ZNF445: variants seen among roughly 807,000 people sequenced by gnomAD.
ZNF445 encodes zinc finger protein 168.
ZNF445 carries 19 observed loss-of-function variants against 93.9 expected under a neutral mutation model. The observed-to-expected ratio is 0.20, with a 90% CI of 0.14 to 0.30. The LOEUF (loss-of-function observed/expected upper bound fraction) is 0.30. Among genes scored for constraint, ZNF445 ranks in the 10% least tolerant of loss-of-function variants. The pLI, the probability that ZNF445 is intolerant of heterozygous loss-of-function variation, is 1.00. For synonymous variants in ZNF445, 449 were observed against 446.3 expected, an observed-to-expected ratio of 1.01 and a Z score of -0.08; for missense variants, 1,058 against 1,259.4, an observed-to-expected ratio of 0.84 and a Z score of 2.42.
At position 44,432,045 on chromosome 3, in the gene ZNF445, G is replaced by C. The variant is rs1471899130; in HGVS notation, c.*14530C>G. Reference sequence around the variant, plus strand: ...CTCCCAGCTGGGATTACAGGCATGAGCCACTGCACGTGGCTACATGTTTTG... The same window carrying C: ...CTCCCAGCTGGGATTACAGGCATGACCCACTGCACGTGGCTACATGTTTTG... On this transcript the variant is annotated 3_prime_UTR_variant, in exon 8 of 8. Transcript: ENST00000396077. The C allele has an allele frequency of 4.6e-5, 7 of 152,116 alleles. No individual in the cohort carries two copies. The highest frequency in any genetic ancestry group is 1.7e-4 in the African/African-American group (7 of 41,420). 9.4% of individuals were successfully genotyped at this position (152,116 alleles called of 1,614,324 possible).
intron 5 of ZNF445, 134 bp from the exon 6 acceptor site, chr3:44,450,707 A>G (rs531003149): frequency 7.4e-7 from 1 of 1,349,430 alleles, no homozygotes; most frequent in African/African-American, 1.5e-5. Context: ...ACCATCACCC[A>G]GCAGAAGACC....
chr3:44,463,639 G>C lies in ZNF445; in HGVS notation c.-268-5275C>G, dbSNP rs544099837. Among the ~76,000 whole-genome samples the C allele has an allele frequency of 2.6e-5, 4 of 152,266 alleles. No homozygotes were observed. In the South Asian group the frequency reaches 8.3e-4, roughly 32 times the overall value. ...TAACTAAGTAGGAAATATACTTTAA[G>C]GGATGGCTAAGAGTAGTTATGGAGG... is the stretch of plus-strand genomic sequence containing the variant. On this transcript the variant is annotated intron_variant, in intron 1 of 7. Coordinates refer to ENST00000396077, the MANE Select transcript of ZNF445 (RefSeq NM_181489.6).
intron 3 of ZNF445, among the ~76,000 whole-genome samples, chr3:44,454,318 TA>T (rs1468580267): frequency 6.6e-6 from 1 of 152,094 alleles, no homozygotes; most frequent in Non-Finnish European, 1.5e-5. Flanking sequence ...GCCCTAACCC[TA>T]AATGCTGTCC....
chr3:44,439,218 G>A lies in ZNF445; in HGVS notation c.*7357C>T, dbSNP rs1021488157. 1.3e-5 allele frequency: 2 copies of A among 150,534 alleles called. No homozygotes were observed. Among genetic ancestry groups the A allele is most frequent in the African/African-American group, 4.9e-5 (2 of 41,034 alleles). The allele number at this position is 150,534 out of a possible 1,614,324, so 9.3% of individuals were successfully genotyped here. A position where few individuals can be genotyped will look rare whatever the true frequency, so the allele number is the denominator to read the frequency against. On this transcript the variant is annotated 3_prime_UTR_variant, in exon 8 of 8. Transcript: ENST00000396077. ...CCAGCTAGTCAGGAGGCTGAGGCTG[G>A]AGAATCGCTTGAGCCTGGGAAAGTG...
At chr3:44,453,871 G>A (rs1031667467) in intron 3 of ZNF445, among the ~76,000 whole-genome samples, 1 of 152,146 alleles carries the variant, frequency 6.6e-6, no homozygotes, top group African/African-American at 2.4e-5. Context: ...GGCTCTGAAA[G>A]GTACAACTAT....
chr3:44,457,122 G>A (rs1698038894), intron 2 of ZNF445, among the ~76,000 whole-genome samples: 1 of 152,190 alleles, frequency 6.6e-6, no homozygotes, highest in African/African-American at 2.4e-5. Context: ...GGGTAACAGA[G>A]CGAGACTCCA....
At position 44,448,524 on chromosome 3, in the gene ZNF445, T is replaced by C. The variant is rs1697911556; in HGVS notation, c.1147A>G (p.Arg383Gly). 6.2e-7 allele frequency: 1 copy of C among 1,613,970 alleles called. No individual in the cohort carries two copies. The highest frequency in any genetic ancestry group is 1.7e-5 in the Admixed American group (1 of 59,964). The change falls in exon 8 of 8, where the codon AGG becomes GGG. Residue 383 changes from arginine to glycine, a missense_variant. Coordinates refer to ENST00000396077, the MANE Select transcript of ZNF445 (RefSeq NM_181489.6). ...VKKEETNFSH[R>G]TGKDSEVSGS... ...GATACTTCAGAGTCTTTTCCTGTCC[T>C]GTGACTGAAATTGGTCTCTTCTTTC...
rs1269628617 is a variant in ZNF445, at chr3:44,435,652, C to T, written c.*10923G>A. ...GCAGCTCTAGTGGCTTCTACTTGGC[C>T]TTTTCTACCAGAATTACTTTTACTG... On this transcript the variant is annotated 3_prime_UTR_variant, in exon 8 of 8. Coordinates refer to ENST00000396077, the MANE Select transcript of ZNF445 (RefSeq NM_181489.6). 1.3e-5 allele frequency: 2 copies of T among 152,164 alleles called. No homozygotes were observed. The highest frequency in any genetic ancestry group is 2.9e-5 in the Non-Finnish European group (2 of 68,038). The allele number at this position is 152,164 out of a possible 1,614,324, so 9.4% of individuals were successfully genotyped here.
rs954013519 is a variant in ZNF445, at chr3:44,433,323, G to C, written c.*13252C>G. The C allele has an allele frequency of 6.6e-6, 1 of 152,122 alleles. No individual in the cohort carries two copies. The highest frequency in any genetic ancestry group is 2.4e-5 in the African/African-American group (1 of 41,406). 9.4% of individuals were successfully genotyped at this position (152,122 alleles called of 1,614,324 possible). ...GAGACAGGGAGTTCAGACTGGTCTC[G>C]AACTCCCGTTCTCAGGTGATCTGCC... On this transcript the variant is annotated 3_prime_UTR_variant, in exon 8 of 8. Coordinates refer to ENST00000396077, the MANE Select transcript of ZNF445 (RefSeq NM_181489.6).
chr3:44,450,376 T>C (rs1697940168), intron 6 of ZNF445, 71 bp downstream of exon 6: 1 of 1,603,576 alleles, frequency 6.2e-7, no homozygotes, highest in African/African-American at 1.3e-5. Context: ...GGTACCTTTC[T>C]ATGCAGCACA....
intron 1 of ZNF445, among the ~76,000 whole-genome samples, chr3:44,470,228 G>A (rs1698248635): frequency 2.0e-5 from 3 of 152,180 alleles, no homozygotes; most frequent in South Asian, 4.1e-4. Flanking sequence ...TGGCGTCCAA[G>A]GACACTCCTA....
rs754290031 is a variant in ZNF445 at position 44,447,302 on chromosome 3, T to C, written c.2369A>G (p.Tyr790Cys). 5.0e-6 allele frequency: 8 copies of C among 1,613,980 alleles called. No individual in the cohort carries two copies. The highest frequency in any genetic ancestry group is 2.2e-5 in the East Asian group (1 of 44,876). Residue 790 changes from tyrosine to cysteine, a missense_variant, in exon 8 of 8, where the codon TAT (tyrosine) becomes TGT (cysteine). Transcript: ENST00000396077. This position sits in a 1 kb window ranked among gnomAD's most constrained non-coding sequence, Gnocchi z 4.7. ...GGCTTTCCCACACTCCCTGCACTTA[T>C]ATGGCTTCTCTCCAGTGTGAACTCT... ...HQRVHTGEKP[Y>C]KCRECGKAFR...
intron 1 of ZNF445, among the ~76,000 whole-genome samples, chr3:44,462,655 G>A (rs1698132929): frequency 6.6e-6 from 1 of 151,708 alleles, no homozygotes; most frequent in African/African-American, 2.4e-5. Flanking sequence ...AACCACCCTG[G>A]GGGAGATTCT....
At chr3:44,465,786 C>T (rs1010582089) in intron 1 of ZNF445, among the ~76,000 whole-genome samples, 3 of 152,012 alleles carry the variant, frequency 2.0e-5, no homozygotes, top group Admixed American at 6.6e-5. Flanking sequence ...CAATGGCACG[C>T]GCCTGTAATC....
At chr3:44,473,453 TCACACACACA>T (rs377305681) in intron 1 of ZNF445, among the ~76,000 whole-genome samples, 13 of 60,848 alleles carry the variant, frequency 2.1e-4, no homozygotes, top group Non-Finnish European at 2.9e-4. Context: ...AAACTCCACT[TCACACACACA>T]CACACACACA....
Position 44,455,350 on chromosome 3 carries a change from G to A in ZNF445, c.200C>T (p.Ser67Leu), listed in dbSNP as rs1422902813. 5 of 1,613,940 alleles carry A rather than the reference G, an allele frequency of 3.1e-6. No individual in the cohort carries two copies. The highest frequency in any genetic ancestry group is 2.5e-6 in the Non-Finnish European group (3 of 1,179,948). The change falls in exon 3 of 8, where the codon TCA (serine) becomes TTA (leucine). Residue 67 changes from serine to leucine, a missense_variant. By Grantham distance (145) the Ser-to-Leu change is moderately radical. Coordinates refer to ENST00000396077, the MANE Select transcript of ZNF445 (RefSeq NM_181489.6). Reference protein sequence around the residue: ...LFRQLRYHESSGPLETLSRLR... With the variant: ...LFRQLRYHESLGPLETLSRLR... ...CCGGCTCAGAGTTTCTAGGGGCCCT[G>A]AAGACTCATGGTAGCGAAGCTGTCT...
At chr3:44,467,752 T>C (rs1009855878) in intron 1 of ZNF445, among the ~76,000 whole-genome samples, 2 of 152,224 alleles carry the variant, frequency 1.3e-5, no homozygotes, top group Non-Finnish European at 2.9e-5. Context: ...AAAGTTTATT[T>C]TGTAAACAAA....
intron 1 of ZNF445, among the ~76,000 whole-genome samples, chr3:44,462,256 T>A (rs1048238545): frequency 6.6e-6 from 1 of 152,218 alleles, no homozygotes; most frequent in African/African-American, 2.4e-5. Context: ...CAATATTGTA[T>A]GAAATTTCTT....
At chr3:44,463,610 G>A (rs1325242279) in intron 1 of ZNF445, among the ~76,000 whole-genome samples, 1 of 152,184 alleles carries the variant, frequency 6.6e-6, no homozygotes, top group Non-Finnish European at 1.5e-5. Flanking sequence ...GCTTTGGTGT[G>A]TAATAACTAA....
Sources: allele counts gnomAD v4.1 joint callset (sites outside exome capture counted in the v4.1 genomes callset), GRCh38; gene constraint gnomAD v4.1.1; non-coding constraint Gnocchi (gnomAD v3.1); transcripts MANE v1.5; gene names NCBI Gene and HGNC (gene_info 2026-07-23, HGNC 2026-07-21).